Variants in PCDH17 observed in about 807,000 individuals in gnomAD.
The protein encoded by PCDH17 is protocadherin 17.
In PCDH17, 21 loss-of-function variants were observed where a neutral mutation model predicts 67.7. That is an observed-to-expected ratio of 0.31 (90% confidence interval 0.22 to 0.45). PCDH17 has a LOEUF of 0.45. Among genes scored for constraint, PCDH17 ranks in the 20% least tolerant of loss-of-function variants. PCDH17 has a pLI of 1.00. For synonymous variants in PCDH17, 701 were observed against 656.7 expected (o/e 1.07, Z -1.03); for missense variants, 1,471 against 1,564.8 (o/e 0.94, Z 1.01).
At chr13:57,665,318 C>T (rs1326058983) in intron 1 of PCDH17, among the ~76,000 whole-genome samples, 2 of 151,828 alleles carry the variant, frequency 1.3e-5, no homozygotes, top group Non-Finnish European at 1.5e-5. Flanking sequence ...TCTTAATATG[C>T]CTTTTTCTTT....
rs763419635 is a variant in PCDH17 at position 57,634,228 on chromosome 13, C to T, written c.1682C>T (p.Ala561Val). The change falls in exon 1 of 4, where the codon GCG becomes GTG. Residue 561 changes from alanine to valine, a missense_variant. This residue lies in a region of PCDH17 where 1,163 missense variants were observed against 1,230.0 expected (regional missense o/e 0.95). Transcript: ENST00000377918. This position sits in a 1 kb window ranked among gnomAD's most constrained non-coding sequence, Gnocchi z 7.8. ...CTTGCTAAGGACTCGGGGGCGCCCG[C>T]GCACTTGGAGAGCAACGCCACGGTG... ...KVLAKDSGAP[A>V]HLESNATVRV... is the part of the protein sequence containing the mutation. 1.9e-6 allele frequency: 3 copies of T among 1,613,318 alleles called. No individual in the cohort carries two copies. Among genetic ancestry groups the T allele is most frequent in the Admixed American group, 3.3e-5 (2 of 60,030 alleles).
intron 1 of PCDH17, among the ~76,000 whole-genome samples, chr13:57,642,414 T>C (rs1327098335): frequency 6.6e-6 from 1 of 151,676 alleles, no homozygotes; most frequent in East Asian, 1.9e-4. Flanking sequence ...GTAAATTATA[T>C]TGATACATAA....
intron 3 of PCDH17, among the ~76,000 whole-genome samples, chr13:57,678,947 A>G (rs772563769): frequency 2.0e-5 from 3 of 151,564 alleles, no homozygotes; most frequent in Non-Finnish European, 3.0e-5. Flanking sequence ...GAAAGGGGCT[A>G]TAGTTCATAT....
At chr13:57,698,761 T>A (rs972221951) in intron 3 of PCDH17, among the ~76,000 whole-genome samples, 1 of 152,030 alleles carries the variant, frequency 6.6e-6, no homozygotes, top group African/African-American at 2.4e-5. Context: ...CCTTCAACAC[T>A]GTTAATGCCG....
chr13:57,712,751 TTC>T (rs1174147482), intron 3 of PCDH17, among the ~76,000 whole-genome samples: 2 of 151,672 alleles, frequency 1.3e-5, no homozygotes, highest in African/African-American at 2.4e-5. Context: ...TAATTAGTTC[TTC>T]TGTTATATTA....
At chr13:57,673,685 C>G (rs1238850119) in intron 3 of PCDH17, among the ~76,000 whole-genome samples, 1 of 151,748 alleles carries the variant, frequency 6.6e-6, no homozygotes, top group Non-Finnish European at 1.5e-5. Flanking sequence ...ATATTTAACA[C>G]CAGAAAAAAA....
At chr13:57,674,424 T>C (rs1955363267) in intron 3 of PCDH17, among the ~76,000 whole-genome samples, 1 of 151,904 alleles carries the variant, frequency 6.6e-6, no homozygotes, top group African/African-American at 2.4e-5. Flanking sequence ...TCTCCTGGGC[T>C]CAAGTGATCC....
At chr13:57,685,956 G>A (rs1376400606) in intron 3 of PCDH17, among the ~76,000 whole-genome samples, 2 of 151,786 alleles carry the variant, frequency 1.3e-5, no homozygotes, top group Admixed American at 1.3e-4. Context: ...AGGCATAGTG[G>A]CATGCACCTT....
chr13:57,718,577 G>C (rs1292122910), intron 3 of PCDH17, among the ~76,000 whole-genome samples: 1 of 151,802 alleles, frequency 6.6e-6, no homozygotes, highest in Admixed American at 6.6e-5. Flanking sequence ...GTTTTTATAG[G>C]ATCAGAAAAG....
chr13:57,643,880 G>C (rs1416010709), intron 1 of PCDH17, among the ~76,000 whole-genome samples: 17 of 151,606 alleles, frequency 1.1e-4, no homozygotes, highest in Non-Finnish European at 2.4e-4. Context: ...GATTAAATCA[G>C]AAATTCCTGA....
chr13:57,630,165 C>T (rs950165218), upstream of PCDH17, among the ~76,000 whole-genome samples: 1 of 152,186 alleles, frequency 6.6e-6, no homozygotes, highest in Admixed American at 6.5e-5. Flanking sequence ...GATGCGGCAG[C>T]GGCGGAAGGC....
chr13:57,649,107 T>C (rs2137996750), intron 1 of PCDH17, among the ~76,000 whole-genome samples: 1 of 152,216 alleles, frequency 6.6e-6, no homozygotes, highest in East Asian at 1.9e-4. Flanking sequence ...GAAATATTTA[T>C]ATAGTGATGA....
chr13:57,640,292 G>A (rs769497917), intron 1 of PCDH17, among the ~76,000 whole-genome samples: 4 of 151,856 alleles, frequency 2.6e-5, no homozygotes, highest in South Asian at 2.1e-4. Context: ...ATATATTTAA[G>A]ATTAATGAAA....
chr13:57,697,910 TA>T (rs1955626414), intron 3 of PCDH17, among the ~76,000 whole-genome samples: 1 of 151,568 alleles, frequency 6.6e-6, no homozygotes, highest in Non-Finnish European at 1.5e-5. Context: ...AAATAGATCA[TA>T]ATTCTACTTT....
Position 57,724,934 on chromosome 13 carries a change from C to A in PCDH17, c.3120C>A (p.Thr1040=). Residue 1040 remains threonine, a synonymous_variant, in exon 4 of 4, where the codon ACC becomes ACA. Coordinates refer to ENST00000377918, the MANE Select transcript of PCDH17 (RefSeq NM_001040429.3). ...QEVPSASSSP[T]KACIEPCTST... is the part of the protein sequence containing the mutation. ...TCCCCTCAGCATCAAGCAGCCCAAC[C>A]AAGGCGTGCATCGAGCCTTGCACCT... The A allele has an allele frequency of 6.2e-7, 1 of 1,614,196 alleles. No homozygotes were observed. Among genetic ancestry groups the A allele is most frequent in the Non-Finnish European group, 8.5e-7 (1 of 1,180,026 alleles).
rs142091472 is a variant in PCDH17 at position 57,634,581 on chromosome 13, C to T, written c.2035C>T (p.Leu679Phe). Residue 679 changes from leucine (L) to phenylalanine (F), a missense_variant, in exon 1 of 4, where the codon CTC (leucine) becomes TTC (phenylalanine). By Grantham distance (22) the Leu-to-Phe change is conservative (BLOSUM62 0). Transcript: ENST00000377918. The surrounding 1 kb of genome is among the most constrained non-coding windows in gnomAD (Gnocchi z 7.8). ...GKPTLSAVAK[L>F]IIRSVSGSLP... ...GCCTACCCTGTCCGCAGTGGCCAAG[C>T]TCATCATCCGCTCGGTGAGCGGATC... 3 of 1,613,244 alleles carry T rather than the reference C, an allele frequency of 1.9e-6. No individual in the cohort carries two copies. The African/African-American group carries it at 4.0e-5, about 22-fold the overall frequency.
At chr13:57,679,542 C>T (rs1955428481) in intron 3 of PCDH17, among the ~76,000 whole-genome samples, 1 of 151,406 alleles carries the variant, frequency 6.6e-6, no homozygotes, top group Non-Finnish European at 1.5e-5. Context: ...ACACCCTTAC[C>T]TCTGACACTG....
intron 3 of PCDH17, among the ~76,000 whole-genome samples, chr13:57,675,609 G>A (rs1049083047): frequency 6.6e-6 from 1 of 151,974 alleles, no homozygotes; most frequent in Non-Finnish European, 1.5e-5. Context: ...GCAGAGTAAA[G>A]TCAGAGGAGG....
intron 1 of PCDH17, among the ~76,000 whole-genome samples, chr13:57,639,194 A>G (rs1343463776): frequency 6.6e-6 from 1 of 151,932 alleles, no homozygotes. Flanking sequence ...AATATTTTGA[A>G]AAGGTAGAAT....
Sources: allele counts gnomAD v4.1 joint callset (sites outside exome capture counted in the v4.1 genomes callset), GRCh38; gene constraint gnomAD v4.1.1; regional missense constraint gnomAD v4.1.1; non-coding constraint Gnocchi (gnomAD v3.1); transcripts MANE v1.5; gene names NCBI Gene and HGNC (gene_info 2026-07-23, HGNC 2026-07-21).